The following GRID2 variants were observed in gnomAD, a reference collection of about 807,000 sequenced individuals.
GRID2 encodes glutamate ionotropic receptor delta type subunit 2, also known as glutamate receptor ionotropic, delta-2.
In GRID2, 33 loss-of-function variants were observed where a neutral mutation model predicts 114.8. The ratio of observed to expected loss-of-function variants is 0.29; its 90% CI spans 0.22 to 0.38. The LOEUF is 0.38. GRID2 is among the 10% of genes least tolerant of loss of function. GRID2 has a pLI of 1.00. For missense variants in GRID2, 1,184 were observed against 1,257.7 expected (o/e 0.94, Z 0.89); for synonymous variants, 505 against 449.9 (o/e 1.12, Z -1.55).
chr4:93,246,635 A>G (rs1335440142), intron 8 of GRID2, among the ~76,000 whole-genome samples: 1 of 151,848 alleles, frequency 6.6e-6, no homozygotes, highest in African/African-American at 2.4e-5. Context: ...AAGTAATAGT[A>G]TGTTGTGAAC....
chr4:93,548,905 G>C (rs1733495430), intron 13 of GRID2, among the ~76,000 whole-genome samples: 1 of 151,862 alleles, frequency 6.6e-6, no homozygotes, highest in South Asian at 2.1e-4. Context: ...CAAAGGACCA[G>C]ATCTGGATTG....
intron 8 of GRID2, chr4:93,318,898 T>A (rs1756951690): frequency 6.6e-6 from 1 of 152,100 alleles, no homozygotes; most frequent in African/African-American, 2.4e-5. Context: ...ATATAAAAAA[T>A]TAGGCAAAAT....
At chr4:92,521,694 C>G (rs1260357179) in intron 1 of GRID2, among the ~76,000 whole-genome samples, 1 of 151,670 alleles carries the variant, frequency 6.6e-6, no homozygotes, top group East Asian at 1.9e-4. Context: ...ATAAGAGTGA[C>G]GAATCATGTT....
intron 8 of GRID2, among the ~76,000 whole-genome samples, chr4:93,250,120 A>T (rs1748686234): frequency 6.6e-6 from 1 of 152,198 alleles, no homozygotes; most frequent in Non-Finnish European, 1.5e-5. Flanking sequence ...GATAGACTGG[A>T]TAAAGAAAAT....
intron 3 of GRID2, 115 bp downstream of exon 3, chr4:93,085,394 C>A: frequency 1.2e-6 from 1 of 807,032 alleles, no homozygotes; most frequent in Non-Finnish European, 2.0e-6. Context: ...GTTTTCTTGT[C>A]TTGTCATATT....
chr4:93,538,075 G>T (rs775943749), intron 13 of GRID2, among the ~76,000 whole-genome samples: 1 of 151,478 alleles, frequency 6.6e-6, no homozygotes. Context: ...ATTTTTATTC[G>T]TTTATTAAAA....
intron 2 of GRID2, among the ~76,000 whole-genome samples, chr4:92,981,882 A>C (rs906160027): frequency 2.6e-5 from 4 of 151,952 alleles, no homozygotes; most frequent in Non-Finnish European, 4.4e-5. Flanking sequence ...TATGCAGATC[A>C]ACAACTGTAA....
In GRID2 at chr4:92,931,059, CAAAG is replaced by C. The variant is rs983293545; in HGVS notation, c.245-153933_245-153930del. ...ATACATAAACCTGATAAAGACATAA[CAAAG>C]AAGAAATTGCAGGTTTTTTACCACT... On this transcript the variant is annotated intron_variant, in intron 2 of 15. Transcript: ENST00000282020. Among the ~76,000 whole-genome samples the C allele has an allele frequency of 8.6e-5, 13 of 150,570 alleles. No homozygotes were observed. The East Asian group carries it at 1.2e-3, about 14-fold the overall frequency.
chr4:92,602,941 C>A (rs184031842), intron 2 of GRID2, among the ~76,000 whole-genome samples: 1 of 152,166 alleles, frequency 6.6e-6, no homozygotes, highest in African/African-American at 2.4e-5. Flanking sequence ...AAATGAACTC[C>A]AATTCACAAT....
At chr4:92,528,547 C>A (rs1371932365) in intron 1 of GRID2, among the ~76,000 whole-genome samples, 3 of 151,478 alleles carry the variant, frequency 2.0e-5, no homozygotes, top group Non-Finnish European at 4.4e-5. Flanking sequence ...ATTTTTTGTT[C>A]ATATAAGCAT....
chr4:93,702,075 T>C (rs954369342), intron 14 of GRID2, among the ~76,000 whole-genome samples: 1 of 152,148 alleles, frequency 6.6e-6, no homozygotes, highest in Non-Finnish European at 1.5e-5. Flanking sequence ...TTGGTGATGC[T>C]TGATTAGACT....
At chr4:92,345,723 G>T (rs1217765122) in intron 1 of GRID2, among the ~76,000 whole-genome samples, 2 of 151,970 alleles carry the variant, frequency 1.3e-5, no homozygotes, top group African/African-American at 4.8e-5. Context: ...CCAGTTTCTG[G>T]ATATCTTCTG....
At chr4:93,400,303 A>C (rs1016165596) in intron 9 of GRID2, among the ~76,000 whole-genome samples, 2 of 152,140 alleles carry the variant, frequency 1.3e-5, no homozygotes, top group African/African-American at 4.8e-5. Context: ...AAGCCACAGA[A>C]ATATGTCTTA....
At chr4:92,565,998 A>G (rs11727401) in intron 1 of GRID2, among the ~76,000 whole-genome samples, 2 of 151,954 alleles carry the variant, frequency 1.3e-5, no homozygotes, top group African/African-American at 4.8e-5. Flanking sequence ...GAGTTTACCT[A>G]TACAATCCCT....
At chr4:92,825,662 T>C (rs1029852886) in intron 2 of GRID2, among the ~76,000 whole-genome samples, 1 of 152,228 alleles carries the variant, frequency 6.6e-6, no homozygotes, top group Admixed American at 6.5e-5. Flanking sequence ...GTAAGCTAGG[T>C]TGCATATTAT....
chr4:93,100,420 G>T (rs1731595758), intron 3 of GRID2, among the ~76,000 whole-genome samples: 2 of 151,880 alleles, frequency 1.3e-5, no homozygotes, highest in Admixed American at 6.6e-5. Flanking sequence ...AATTCTTTTT[G>T]AAGTGAAGTT....
chr4:93,111,707 T>A (rs938533149), intron 4 of GRID2, among the ~76,000 whole-genome samples: 15 of 151,880 alleles, frequency 9.9e-5, no homozygotes, highest in African/African-American at 2.2e-4. Context: ...ATGGAATTTT[T>A]AAAAATATTT....
intron 8 of GRID2, among the ~76,000 whole-genome samples, chr4:93,384,065 C>T (rs1764100480): frequency 6.6e-6 from 1 of 152,102 alleles, no homozygotes; most frequent in Admixed American, 6.6e-5. Flanking sequence ...GATTCAATAC[C>T]TGGTGAAGGC....
At chr4:92,588,095 A>C (rs889983813) in intron 1 of GRID2, among the ~76,000 whole-genome samples, 4 of 152,172 alleles carry the variant, frequency 2.6e-5, no homozygotes, top group Non-Finnish European at 5.9e-5. Flanking sequence ...TTGTATATCT[A>C]AACCTGAGAG....
Sources: allele counts gnomAD v4.1 joint callset (sites outside exome capture counted in the v4.1 genomes callset), GRCh38; gene constraint gnomAD v4.1.1; transcripts MANE v1.5; gene names NCBI Gene and HGNC (gene_info 2026-07-23, HGNC 2026-07-21).